The following APPBP2 variants were observed in gnomAD, a reference collection of about 807,000 sequenced individuals.
The protein encoded by APPBP2 is amyloid beta precursor protein binding protein 2.
Under a neutral mutation model 76.0 loss-of-function variants are expected in APPBP2, and 15 were observed. The observed-to-expected ratio is 0.20, with a 90% CI of 0.13 to 0.30. The LOEUF (loss-of-function observed/expected upper bound fraction) is 0.30. Ranked by LOEUF, APPBP2 falls within the 10% of genes least tolerant of loss-of-function variation. The pLI is 1.00. For synonymous variants in APPBP2, 222 were observed against 242.2 expected (o/e 0.92, Z 0.77); for missense variants, 401 against 687.2 (o/e 0.58, Z 4.66).
intron 3 of APPBP2, among the ~76,000 whole-genome samples, chr17:60,486,661 T>A (rs763963628): frequency 6.6e-5 from 10 of 152,196 alleles, no homozygotes; most frequent in African/African-American, 1.2e-4. Context: ...TGCCAGTCTG[T>A]GTCTTTTAAT....
chr17:60,490,514 T>A (rs2090719374), intron 3 of APPBP2, among the ~76,000 whole-genome samples: 1 of 152,094 alleles, frequency 6.6e-6, no homozygotes, highest in Admixed American at 6.6e-5. Context: ...TCAACAAAAA[T>A]AAAAATTAGC....
chr17:60,513,721 G>A (rs909099137), intron 1 of APPBP2, among the ~76,000 whole-genome samples: 3 of 151,790 alleles, frequency 2.0e-5, no homozygotes, highest in African/African-American at 4.8e-5. Flanking sequence ...AAATTAGCCG[G>A]GCGTGGTGGC....
Position 60,466,337 on chromosome 17 carries a change from T to A in APPBP2, c.626A>T (p.Tyr209Phe), listed in dbSNP as rs140223877. ...HGQQANKAAL[Y>F]GELCALLFAK... ...AAATAGGAGTGCACACAGTTCTCCA[T>A]AGAGTGCAGCTTTATTTGCTTGCTG... Residue 209 changes from tyrosine to phenylalanine, a missense_variant, in exon 5 of 13, where the codon TAT becomes TTT. By Grantham distance (22) the Tyr-to-Phe change is conservative (BLOSUM62 3). Coordinates refer to ENST00000083182, the MANE Select transcript of APPBP2 (RefSeq NM_006380.5). 6.2e-6 allele frequency: 10 copies of A among 1,614,088 alleles called. No homozygotes were observed. The South Asian group carries it at 1.1e-4, about 18-fold the overall frequency.
chr17:60,460,794 G>C lies in APPBP2; in HGVS notation c.937-7C>G, dbSNP rs1024840167. 6.2e-7 allele frequency: 1 copy of C among 1,608,654 alleles called. No homozygotes were observed. The highest frequency in any genetic ancestry group is 8.5e-7 in the Non-Finnish European group (1 of 1,178,032). ...GTCTAATGTCAAGGGCTGCCTGAAA[G>C]AATCATAAAAATATTTGTCAATACT... On this transcript the variant is annotated splice_region_variant and splice_polypyrimidine_tract_variant and intron_variant, in intron 8 of 12. Transcript: ENST00000083182.
chr17:60,460,500 C>T, intron 9 of APPBP2, 163 bp downstream of exon 9: 1 of 663,768 alleles, frequency 1.5e-6, no homozygotes, highest in Non-Finnish European at 2.2e-6. Context: ...TAAATGACTT[C>T]AAGAACATTT....
At chr17:60,452,183 T>C (rs1433505455) in intron 11 of APPBP2, 138 bp from the exon 12 acceptor site, 3 of 889,784 alleles carry the variant, frequency 3.4e-6, no homozygotes, top group African/African-American at 1.7e-5. Flanking sequence ...ACATACTATG[T>C]TATTCCAAAA....
chr17:60,445,731 T>C lies in APPBP2; in HGVS notation c.*1850A>G, dbSNP rs1040987828. 1 of 152,146 alleles carries C rather than the reference T, an allele frequency of 6.6e-6. No individual in the cohort carries two copies. The highest frequency in any genetic ancestry group is 1.5e-5 in the Non-Finnish European group (1 of 68,012). The allele number at this position is 152,146 out of a possible 1,614,324, so 9.4% of individuals were successfully genotyped here. A position where few individuals can be genotyped will look rare whatever the true frequency, so the allele number is the denominator to read the frequency against. On this transcript the variant is annotated 3_prime_UTR_variant, in exon 13 of 13. Transcript: ENST00000083182. ...AACTGAGGGGTGGGGGGCAGCTTCA[T>C]AAACTGCAAGTACGTCAATTTACTC...
intron 1 of APPBP2, among the ~76,000 whole-genome samples, chr17:60,505,755 G>C (rs1437421875): frequency 8.1e-6 from 1 of 123,684 alleles, no homozygotes; most frequent in Non-Finnish European, 1.6e-5. Context: ...GGTGCCACTT[G>C]GGATCACTAC....
intron 1 of APPBP2, among the ~76,000 whole-genome samples, chr17:60,510,809 T>A (rs2090905992): frequency 6.6e-6 from 1 of 152,236 alleles, no homozygotes; most frequent in Non-Finnish European, 1.5e-5. Context: ...TTACATTTAA[T>A]GTCCTTTATC....
intron 1 of APPBP2, among the ~76,000 whole-genome samples, chr17:60,505,264 T>C (rs1011873245): frequency 6.6e-6 from 1 of 152,202 alleles, no homozygotes; most frequent in Admixed American, 6.5e-5. Context: ...TATCATGCCA[T>C]TCTCTTGTTT....
chr17:60,457,560 G>A (rs2090440666), intron 9 of APPBP2, among the ~76,000 whole-genome samples: 1 of 152,032 alleles, frequency 6.6e-6, no homozygotes, highest in African/African-American at 2.4e-5. Flanking sequence ...CCGGATAGGT[G>A]GGTTACAGGT....
intron 2 of APPBP2, 131 bp downstream of exon 2, chr17:60,500,268 A>G (rs1598367878): frequency 1.7e-6 from 1 of 605,950 alleles, no homozygotes; most frequent in South Asian, 2.4e-5. Context: ...CAGCCTCCCA[A>G]AGTGCTGGGA....
chr17:60,522,993 G>A (rs1041367337), intron 1 of APPBP2, among the ~76,000 whole-genome samples: 2 of 151,440 alleles, frequency 1.3e-5, no homozygotes, highest in African/African-American at 4.9e-5. Context: ...ATCTCCTAAT[G>A]CTTTACGATT....
chr17:60,502,035 G>A (rs972335568), intron 1 of APPBP2, among the ~76,000 whole-genome samples: 3 of 152,116 alleles, frequency 2.0e-5, no homozygotes, highest in African/African-American at 7.2e-5. Context: ...CCTTCAGCAA[G>A]AAAGATTTGT....
At chr17:60,491,696 T>C (rs935050036) in intron 3 of APPBP2, among the ~76,000 whole-genome samples, 2 of 152,174 alleles carry the variant, frequency 1.3e-5, no homozygotes, top group East Asian at 1.9e-4. Flanking sequence ...TCCACCCACC[T>C]TGGCCTCCCA....
At chr17:60,487,052 C>G (rs1409095962) in intron 3 of APPBP2, among the ~76,000 whole-genome samples, 1 of 152,164 alleles carries the variant, frequency 6.6e-6, no homozygotes, top group African/African-American at 2.4e-5. Context: ...AGAGTTTCTG[C>G]TGAGAGATCC....
At chr17:60,514,581 T>G (rs1346940794) in intron 1 of APPBP2, among the ~76,000 whole-genome samples, 1 of 152,248 alleles carries the variant, frequency 6.6e-6, no homozygotes, top group Non-Finnish European at 1.5e-5. Context: ...AAATGCACTA[T>G]GATATTCCAT....
intron 1 of APPBP2, among the ~76,000 whole-genome samples, chr17:60,505,531 A>G (rs984686430): frequency 5.3e-5 from 8 of 151,448 alleles, no homozygotes; most frequent in Middle Eastern, 3.4e-3. Context: ...TAGCCAGGAT[A>G]GTTTCGATCT....
intron 3 of APPBP2, among the ~76,000 whole-genome samples, chr17:60,491,083 G>A (rs138478650): frequency 9.5e-4 from 144 of 152,248 alleles, no homozygotes; most frequent in African/African-American, 3.3e-3. Context: ...CAGTTTGGAG[G>A]GCTCAGAAGA....
Sources: gnomAD v4.1 joint callset for allele counts (sites outside exome capture counted in the v4.1 genomes callset) on GRCh38, gnomAD v4.1.1 for gene constraint, MANE v1.5 for transcripts, NCBI Gene and HGNC (gene_info 2026-07-23, HGNC 2026-07-21) for gene names.